The following TRIM51 variants were observed in gnomAD, a reference collection of about 807,000 sequenced individuals.
The protein encoded by TRIM51 is tripartite motif-containing 51, also known as tripartite motif-containing protein 51.
A neutral mutation model predicts 32.7 loss-of-function variants in TRIM51; 23 were observed. The observed-to-expected ratio is 0.70, with a 90% CI of 0.51 to 1.00. The LOEUF is 1.00. Among genes scored for constraint, TRIM51 ranks in the 50% least tolerant of loss-of-function variants. The pLI is 0.00. For missense variants in TRIM51, 592 were observed against 539.2 expected (o/e 1.10, Z -0.97); for synonymous variants, 177 against 181.9 (o/e 0.97, Z 0.22).
At position 55,884,168 on chromosome 11, in the gene TRIM51, TATATATATATATATAC is replaced by T. The variant is rs1387487882; in HGVS notation, c.-5+786_-5+801del. Among the ~76,000 whole-genome samples the T allele has an allele frequency of 3.4e-4, 26 of 76,266 alleles. No homozygotes were observed. The East Asian group carries it at 7.7e-3, about 23-fold the overall frequency. The allele number at this position is 76,266 out of a possible 152,430, so 50.0% of individuals were successfully genotyped here. ...GTACATAACTATAACTATATATATA[TATATATATATATATAC>T]ACATACCAAAAATACTTACAATTGT... is the stretch of plus-strand genomic sequence containing the variant. On this transcript the variant is annotated intron_variant, in intron 1 of 6. Coordinates refer to ENST00000449290, the MANE Select transcript of TRIM51 (RefSeq NM_032681.4).
intron 4 of TRIM51, 58 bp downstream of exon 4, chr11:55,888,320 C>T: frequency 3.8e-6 from 5 of 1,311,916 alleles, no homozygotes; most frequent in Non-Finnish European, 5.5e-6. Context: ...GGGTGTTTTT[C>T]CTCTCTCCTG....
At chr11:55,887,480 T>C (rs1854591635) in intron 3 of TRIM51, among the ~76,000 whole-genome samples, 2 of 151,994 alleles carry the variant, frequency 1.3e-5, no homozygotes, top group South Asian at 4.1e-4. Flanking sequence ...AAACAGCATG[T>C]ACAGTAATAT....
chr11:55,885,542 T>G lies in TRIM51; in HGVS notation c.114T>G (p.Cys38Trp), dbSNP rs1854565210. 41 of 1,611,996 alleles carry G rather than the reference T, an allele frequency of 2.5e-5. No homozygotes were observed. The highest frequency in any genetic ancestry group is 3.4e-5 in the Non-Finnish European group (40 of 1,179,770). Residue 38 changes from cysteine to tryptophan, a missense_variant, in exon 2 of 7, where the codon TGT becomes TGG. Transcript: ENST00000449290. ...GTGGGCACAGCTTTTGCCGGCCCTGTTTGTACCTCAACTGGCAAGACACGG... is the reference window on the plus strand; with the variant it reads ...GTGGGCACAGCTTTTGCCGGCCCTGGTTGTACCTCAACTGGCAAGACACGG... Reference protein sequence around the residue: ...IDCGHSFCRPCLYLNWQDTAV... With the variant: ...IDCGHSFCRPWLYLNWQDTAV...
chr11:55,891,132 G>A lies in TRIM51; in HGVS notation c.860-1G>A, dbSNP rs1457616254. 11 of 1,590,282 alleles carry A rather than the reference G, an allele frequency of 6.9e-6. No homozygotes were observed. Among genetic ancestry groups the A allele is most frequent in the Admixed American group, 1.7e-5 (1 of 57,974 alleles). On this transcript the variant is annotated splice_acceptor_variant, in intron 6 of 6. Transcript: ENST00000449290. LOFTEE classifies it high-confidence loss of function. ...ATATTTTTTAAAAATTATTTTTGCA[G>A]TTGATTTTACTCTGCAGCCTGAAAG...
At chr11:55,887,099 A>G (rs1332053280) in intron 3 of TRIM51, among the ~76,000 whole-genome samples, 1 of 151,996 alleles carries the variant, frequency 6.6e-6, no homozygotes, top group African/African-American at 2.4e-5. Context: ...TTGGAGAATA[A>G]TCAAGCAGGA....
chr11:55,886,060 T>C, intron 2 of TRIM51, 63 bp from the exon 3 acceptor site: 1 of 1,537,568 alleles, frequency 6.5e-7, no homozygotes, highest in Non-Finnish European at 8.9e-7. Flanking sequence ...GTCCTTCGTA[T>C]ATCAGAGTGT....
At chr11:55,883,791 AATG>A (rs199640973) in intron 1 of TRIM51, among the ~76,000 whole-genome samples, 1 of 152,152 alleles carries the variant, frequency 6.6e-6, no homozygotes, top group East Asian at 1.9e-4. Context: ...TTACTGAGGC[AATG>A]ATGAGTTAAA....
chr11:55,885,510 A>G lies in TRIM51; in HGVS notation c.82A>G (p.Ile28Val), dbSNP rs1373697122. ...CMNYFLDPVT[I>V]DCGHSFCRPC... is the part of the protein sequence containing the mutation. ...GAACTACTTCCTAGACCCAGTCACCATAGACTGTGGGCACAGCTTTTGCCG... is the reference window on the plus strand; with the variant it reads ...GAACTACTTCCTAGACCCAGTCACCGTAGACTGTGGGCACAGCTTTTGCCG... The change falls in exon 2 of 7, where the codon ATA (isoleucine) becomes GTA (valine). Residue 28 changes from isoleucine (I) to valine (V), a missense_variant. Coordinates refer to ENST00000449290, the MANE Select transcript of TRIM51 (RefSeq NM_032681.4). 2.5e-6 allele frequency: 4 copies of G among 1,611,944 alleles called. No homozygotes were observed. In the African/African-American group the frequency reaches 4.0e-5, roughly 16 times the overall value.
intron 1 of TRIM51, among the ~76,000 whole-genome samples, chr11:55,884,180 T>TATATATATATATATATATAC (rs1344857496): frequency 1.2e-4 from 15 of 124,104 alleles, no homozygotes; most frequent in African/African-American, 5.0e-4. Context: ...TATATATATA[T>TATATATATATATATATATAC]ATACACATAC....
intron 1 of TRIM51, among the ~76,000 whole-genome samples, chr11:55,884,336 G>A (rs745835801): frequency 3.4e-4 from 52 of 151,160 alleles, no homozygotes; most frequent in Non-Finnish European, 5.5e-4. Flanking sequence ...ACTGTCTAAC[G>A]CGTCCCTCAG....
At chr11:55,886,324 A>G (rs534163290) in intron 3 of TRIM51, 106 bp downstream of exon 3, 2 of 926,880 alleles carry the variant, frequency 2.2e-6, no homozygotes, top group Non-Finnish European at 3.4e-6. Context: ...GGAATTCAAT[A>G]AACAAGGAAA....
Position 55,889,988 on chromosome 11 carries a change from C to T in TRIM51, c.808C>T (p.Leu270Phe), listed in dbSNP as rs199659514. ...LQVSEPVNPELSAGPITGLLD... is the reference protein window; with the variant it reads ...LQVSEPVNPEFSAGPITGLLD... ...AGTGTCTGAGCCTGTGAATCCAGAG[C>T]TCAGTGCAGGGCCCATCACTGGACT... The change falls in exon 6 of 7, where the codon CTC becomes TTC. Residue 270 changes from leucine to phenylalanine, a missense_variant. By Grantham distance (22) the Leu-to-Phe change is conservative. Coordinates refer to ENST00000449290, the MANE Select transcript of TRIM51 (RefSeq NM_032681.4). The T allele has an allele frequency of 2.4e-4, 394 of 1,613,328 alleles. No individual in the cohort carries two copies. The highest frequency in any genetic ancestry group is 3.0e-4 in the Non-Finnish European group (352 of 1,179,600).
At chr11:55,886,738 C>T (rs776839324) in intron 3 of TRIM51, among the ~76,000 whole-genome samples, 24 of 151,922 alleles carry the variant, frequency 1.6e-4, no homozygotes, top group South Asian at 8.3e-4. Flanking sequence ...GGAAAAGTGG[C>T]GAGAAATGTA....
In TRIM51 at chr11:55,891,720, A is replaced by G. The variant is rs550304259; in HGVS notation, c.*88A>G. The G allele has an allele frequency of 1.4e-6, 2 of 1,437,764 alleles. No homozygotes were observed. Among genetic ancestry groups the G allele is most frequent in the Non-Finnish European group, 1.9e-6 (2 of 1,051,708 alleles). 89.1% of individuals were successfully genotyped at this position (1,437,764 alleles called of 1,614,324 possible). On this transcript the variant is annotated 3_prime_UTR_variant, in exon 7 of 7. Coordinates refer to ENST00000449290, the MANE Select transcript of TRIM51 (RefSeq NM_032681.4). ...TTTTTCGCACCTCATCAAACAGAAC[A>G]AATAAGTTATATTTAATGTCTTTAG...
chr11:55,891,566 A>G lies in TRIM51; in HGVS notation c.1293A>G (p.Ile431Met). Residue 431 changes from isoleucine (I) to methionine (M), a missense_variant, in exon 7 of 7, where the codon ATA becomes ATG. Ile to Met is a conservative substitution (Grantham distance 10). Transcript: ENST00000449290. ...TTGATGTTGATCAAAGTTCCCTGAT[A>G]TACACCATCCCCAATTGCTCCTTCT... ...SFVDVDQSSLIYTIPNCSFSP... is the reference protein window; with the variant it reads ...SFVDVDQSSLMYTIPNCSFSP... 4 of 1,613,522 alleles carry G rather than the reference A, an allele frequency of 2.5e-6. No individual in the cohort carries two copies. The highest frequency in any genetic ancestry group is 3.4e-6 in the Non-Finnish European group (4 of 1,179,680).
Position 55,891,682 on chromosome 11 carries a change from C to A in TRIM51, c.*50C>A. The A allele has an allele frequency of 1.3e-6, 2 of 1,599,982 alleles. No homozygotes were observed. Among genetic ancestry groups the A allele is most frequent in the Non-Finnish European group, 1.7e-6 (2 of 1,174,686 alleles). Reference sequence around the variant, plus strand: ...TGTATGCTCTGGGAACCTGTTTATCCCAGAAAGCCCTCTTTTTCGCACCTC... The same window carrying A: ...TGTATGCTCTGGGAACCTGTTTATCACAGAAAGCCCTCTTTTTCGCACCTC... On this transcript the variant is annotated 3_prime_UTR_variant, in exon 7 of 7. Coordinates refer to ENST00000449290, the MANE Select transcript of TRIM51 (RefSeq NM_032681.4).
rs149512476 is a variant in TRIM51 at position 55,891,523 on chromosome 11, G to A, written c.1250G>A (p.Gly417Asp). The A allele has an allele frequency of 3.1e-6, 5 of 1,613,490 alleles. No individual in the cohort carries two copies. The African/African-American group carries it at 6.7e-5, about 22-fold the overall frequency. ...STVGLFLDCE[G>D]RTVSFVDVDQ... The stretch of plus-strand genomic sequence containing the variant: ...GTAGGATTATTCCTGGATTGTGAAG[G>A]TAGAACCGTGAGCTTTGTTGATGTT... Residue 417 changes from glycine to aspartate, a missense_variant, in exon 7 of 7, where the codon GGT becomes GAT. By Grantham distance (94) the Gly-to-Asp change is moderately conservative. Coordinates refer to ENST00000449290, the MANE Select transcript of TRIM51 (RefSeq NM_032681.4).
chr11:55,886,165 T>C lies in TRIM51; in HGVS notation c.454T>C (p.Cys152Arg). The stretch of plus-strand genomic sequence containing the variant: ...AATGCAGTCTTTATGGGAAAAAGCT[T>C]GTGAAAATCTCAGAAATCTGAACAT... The part of the protein sequence containing the change: ...KKMQSLWEKA[C>R]ENLRNLNMET... Residue 152 changes from cysteine to arginine, a missense_variant, in exon 3 of 7, where the codon TGT becomes CGT. Physicochemically the swap from Cys to Arg is radical, Grantham distance 180 (BLOSUM62 -3). Transcript: ENST00000449290. 6.2e-7 allele frequency: 1 copy of C among 1,613,544 alleles called. No homozygotes were observed. Among genetic ancestry groups the C allele is most frequent in the Non-Finnish European group, 8.5e-7 (1 of 1,179,622 alleles).
chr11:55,884,800 T>C (rs568264203), intron 1 of TRIM51, among the ~76,000 whole-genome samples: 6 of 152,282 alleles, frequency 3.9e-5, no homozygotes, highest in African/African-American at 1.4e-4. Flanking sequence ...GTTCATAGTT[T>C]GAGTAGCCCA....
Sources: allele counts gnomAD v4.1 joint callset (sites outside exome capture counted in the v4.1 genomes callset), GRCh38; gene constraint gnomAD v4.1.1; transcripts MANE v1.5; gene names NCBI Gene and HGNC (gene_info 2026-07-23, HGNC 2026-07-21).